Variants in SUSD1 observed in about 807,000 individuals in gnomAD.
The protein encoded by SUSD1 is sushi domain containing 1.
A neutral mutation model predicts 86.9 loss-of-function variants in SUSD1; 65 were observed. That is an observed-to-expected ratio of 0.75 (90% CI 0.61 to 0.92). SUSD1 has a LOEUF of 0.92. SUSD1 is among the 40% of genes least tolerant of loss of function. SUSD1 has a pLI of 0.00. For missense variants in SUSD1, 850 were observed against 929.7 expected (o/e 0.91, Z 1.11); for synonymous variants, 346 against 350.0 (o/e 0.99, Z 0.13).
At chr9:112,052,613 A>C (rs1828266664) in intron 14 of SUSD1, among the ~76,000 whole-genome samples, 175 bp from the exon 15 acceptor site, 1 of 152,108 alleles carries the variant, frequency 6.6e-6, no homozygotes. Flanking sequence ...TGTTCAAGGG[A>C]CCGGCGTGGG....
chr9:112,063,908 T>C (rs1828847441), intron 12 of SUSD1, among the ~76,000 whole-genome samples: 1 of 152,216 alleles, frequency 6.6e-6, no homozygotes, highest in South Asian at 2.1e-4. Context: ...TTCCTACCCA[T>C]GCAATGTAGG....
At chr9:112,168,589 G>C (rs528167103) in intron 1 of SUSD1, among the ~76,000 whole-genome samples, 19 of 152,312 alleles carry the variant, frequency 1.2e-4, no homozygotes, top group African/African-American at 4.6e-4. Flanking sequence ...GTGTACTTCT[G>C]AGACATTAGC....
chr9:112,058,306 A>G, intron 14 of SUSD1, 122 bp downstream of exon 14: 2 of 1,311,762 alleles, frequency 1.5e-6, no homozygotes, highest in Non-Finnish European at 2.0e-6. Context: ...AGTATTCACA[A>G]ACATTTTGTG....
At chr9:112,085,873 C>T (rs73532502) in intron 10 of SUSD1, among the ~76,000 whole-genome samples, 3,346 of 152,218 alleles carry the variant, frequency 0.022, 127 homozygotes, top group African/African-American at 0.077. Context: ...ACAACATATG[C>T]AGTAAGCCGA....
intron 10 of SUSD1, among the ~76,000 whole-genome samples, chr9:112,085,399 A>C (rs1251751885): frequency 2.0e-5 from 3 of 152,192 alleles, no homozygotes; most frequent in African/African-American, 7.2e-5. Context: ...GCTTTAATCC[A>C]TTTGGTCTTC....
chr9:112,137,665 A>G (rs772346775), intron 5 of SUSD1: 1 of 152,222 alleles, frequency 6.6e-6, no homozygotes, highest in Non-Finnish European at 1.5e-5. Context: ...CAGAATATCA[A>G]AATGATTAAC....
intron 1 of SUSD1, chr9:112,173,842 G>A (rs368492456): frequency 2.7e-5 from 8 of 297,782 alleles, no homozygotes; most frequent in Admixed American, 6.9e-5. Context: ...TTGGCAAACC[G>A]CATGTTTGTC....
chr9:112,066,801 T>C (rs555345757), intron 12 of SUSD1, among the ~76,000 whole-genome samples: 6 of 152,198 alleles, frequency 3.9e-5, no homozygotes, highest in South Asian at 2.1e-4. Context: ...CCAGTGATTA[T>C]GGATTGCCAT....
chr9:112,130,690 G>T (rs1230891255), intron 5 of SUSD1, among the ~76,000 whole-genome samples: 1 of 152,062 alleles, frequency 6.6e-6, no homozygotes, highest in Non-Finnish European at 1.5e-5. Context: ...ACACAAGGTA[G>T]TCTACCAGAT....
At chr9:112,060,590 C>T (rs1317738911) in intron 13 of SUSD1, among the ~76,000 whole-genome samples, 6 of 152,212 alleles carry the variant, frequency 3.9e-5, no homozygotes, top group Admixed American at 3.9e-4. Context: ...AGCCACTGTG[C>T]CTGGCCCAGG....
At chr9:112,064,778 A>G (rs1828899543) in intron 12 of SUSD1, among the ~76,000 whole-genome samples, 2 of 151,378 alleles carry the variant, frequency 1.3e-5, no homozygotes, top group Admixed American at 1.3e-4. Flanking sequence ...CAGGAGGCAG[A>G]GGCAGGAGAA....
intron 15 of SUSD1, among the ~76,000 whole-genome samples, chr9:112,050,589 T>C (rs1368847951): frequency 6.6e-6 from 1 of 152,172 alleles, no homozygotes. Context: ...TTGATTGTTT[T>C]ATGCTGCTCT....
chr9:112,149,208 G>A (rs764326859), intron 3 of SUSD1, 36 bp downstream of exon 3: 22 of 1,609,670 alleles, frequency 1.4e-5, no homozygotes, highest in African/African-American at 2.7e-5. Context: ...TCCTGCCATC[G>A]CCAATTGTCA....
At chr9:112,068,556 G>A (rs527479892) in intron 12 of SUSD1, among the ~76,000 whole-genome samples, 2 of 152,158 alleles carry the variant, frequency 1.3e-5, no homozygotes, top group African/African-American at 4.8e-5. Flanking sequence ...TTTTAAATTA[G>A]TCAGGCACAG....
In SUSD1 at chr9:112,137,596, C is replaced by T. The variant is rs190268670; in HGVS notation, c.706+4724G>A. Among the ~76,000 whole-genome samples the T allele has an allele frequency of 4.2e-3, 644 of 152,262 alleles. 3 individuals carry two copies. Among genetic ancestry groups the T allele is most frequent in the African/African-American group, 0.015 (626 of 41,558 alleles). On this transcript the variant is annotated intron_variant, in intron 5 of 16. Transcript: ENST00000374270. Reference sequence around the variant, plus strand: ...AACTAAAATGTTATCTTTAGAAATTCTTAACCCCTGAGGATGATAATTAAT... The same window carrying T: ...AACTAAAATGTTATCTTTAGAAATTTTTAACCCCTGAGGATGATAATTAAT...
intron 14 of SUSD1, among the ~76,000 whole-genome samples, chr9:112,054,301 C>T (rs540574055): frequency 4.9e-4 from 74 of 152,096 alleles, no homozygotes; most frequent in Non-Finnish European, 1.0e-3. Context: ...ACAGTTTTTT[C>T]AGGCTGGGCA....
intron 6 of SUSD1, among the ~76,000 whole-genome samples, chr9:112,115,497 A>T (rs1831272788): frequency 6.6e-6 from 1 of 152,122 alleles, no homozygotes; most frequent in Non-Finnish European, 1.5e-5. Context: ...CACAATTTGA[A>T]ATCAAAGAAA....
chr9:112,173,754 G>A (rs1834146615), intron 1 of SUSD1: 1 of 358,342 alleles, frequency 2.8e-6, no homozygotes, highest in Admixed American at 3.0e-5. Flanking sequence ...GGTTTATGAG[G>A]GCAAGGCCTC....
rs1217702734 is a variant in SUSD1 at position 112,063,461 on chromosome 9, C to T, written c.1754-428G>A. ...ATTTTATGTGATGTGTATTTTGCCA[C>T]AATAAAAAGAAGTGATGAGTATATC... On this transcript the variant is annotated intron_variant, in intron 12 of 16. Coordinates refer to ENST00000374270, the MANE Select transcript of SUSD1 (RefSeq NM_022486.5). Among the ~76,000 whole-genome samples the T allele has an allele frequency of 2.0e-5, 3 of 152,232 alleles. No homozygotes were observed. The East Asian group carries it at 5.8e-4, about 29-fold the overall frequency.
Sources: allele counts gnomAD v4.1 joint callset (sites outside exome capture counted in the v4.1 genomes callset), GRCh38; gene constraint gnomAD v4.1.1; transcripts MANE v1.5; gene names NCBI Gene and HGNC (gene_info 2026-07-23, HGNC 2026-07-21).